NOVA1: variants seen among roughly 807,000 people sequenced by gnomAD.
NOVA1 encodes the protein RNA-binding protein Nova-1.
In NOVA1, 7 loss-of-function variants were observed where a neutral mutation model predicts 38.0. The ratio of observed to expected loss-of-function variants is 0.18; its 90% CI spans 0.10 to 0.35. The LOEUF (loss-of-function observed/expected upper bound fraction) is 0.35, where lower values mean the gene tolerates loss of function less well. Ranked by LOEUF, NOVA1 falls within the 10% of genes least tolerant of loss-of-function variation. NOVA1 has a pLI of 1.00. For synonymous variants in NOVA1, 270 were observed against 232.5 expected (o/e 1.16, Z -1.47); for missense variants, 460 against 616.0 (o/e 0.75, Z 2.68).
At chr14:26,591,474 TA>T (rs1251910007) in intron 2 of NOVA1, among the ~76,000 whole-genome samples, 1 of 151,680 alleles carries the variant, frequency 6.6e-6, no homozygotes, top group East Asian at 1.9e-4. Flanking sequence ...AATTTTGCCT[TA>T]AAATATATAT....
rs533181369 is a variant in NOVA1 at position 26,467,592 on chromosome 14, A to T, written c.519+4728T>A. ...AAAAAACAGTTGCACACTGATGGGA[A>T]TGATTCTGTAGAGAGCAAAAACTTG... On this transcript the variant is annotated intron_variant, in intron 4 of 4. Coordinates refer to ENST00000539517, the MANE Select transcript of NOVA1 (RefSeq NM_002515.3). Among the ~76,000 whole-genome samples, 6 of 152,332 alleles carry T rather than the reference A, an allele frequency of 3.9e-5. No homozygotes were observed. The South Asian group carries it at 1.2e-3, about 32-fold the overall frequency.
At chr14:26,507,475 T>C (rs996548620) in intron 2 of NOVA1, among the ~76,000 whole-genome samples, 52 of 152,288 alleles carry the variant, frequency 3.4e-4, no homozygotes, top group Non-Finnish European at 4.7e-4. Flanking sequence ...GTGTTTTTTA[T>C]GAAGTTGTCC....
At chr14:26,588,811 C>T (rs889535123) in intron 2 of NOVA1, among the ~76,000 whole-genome samples, 3 of 150,248 alleles carry the variant, frequency 2.0e-5, no homozygotes, top group Admixed American at 6.6e-5. Flanking sequence ...GAATGAATCT[C>T]TTGACCTCTA....
intron 2 of NOVA1, among the ~76,000 whole-genome samples, chr14:26,481,988 T>TTAAAAAAAAAAAAAAAAA (rs922159329): frequency 2.8e-5 from 3 of 105,984 alleles, no homozygotes; most frequent in Non-Finnish European, 5.3e-5. Context: ...TAGATAGAGA[T>TTAAAAAAAAAAAAAAAAA]AAAAAAAAAA....
At chr14:26,568,190 G>C (rs1206454919) in intron 2 of NOVA1, among the ~76,000 whole-genome samples, 2 of 152,150 alleles carry the variant, frequency 1.3e-5, no homozygotes, top group East Asian at 3.8e-4. Context: ...ACTGTTATTA[G>C]ATCTTCTTTC....
intron 2 of NOVA1, among the ~76,000 whole-genome samples, chr14:26,590,371 T>C (rs1235249991): frequency 6.6e-6 from 1 of 151,926 alleles, no homozygotes. Flanking sequence ...AACTTACTCA[T>C]AAAAGTTGTG....
chr14:26,460,230 C>A (rs1012552810), intron 4 of NOVA1, among the ~76,000 whole-genome samples: 3 of 151,684 alleles, frequency 2.0e-5, no homozygotes, highest in Non-Finnish European at 2.9e-5. Flanking sequence ...ATTTACTATC[C>A]CAAATGACTG....
intron 1 of NOVA1, chr14:26,597,093 G>A: frequency 8.1e-7 from 1 of 1,231,000 alleles, no homozygotes; most frequent in Non-Finnish European, 1.0e-6. Context: ...GATAAACACA[G>A]AAATGGAAAT....
intron 2 of NOVA1, among the ~76,000 whole-genome samples, chr14:26,491,424 G>A (rs1886340179): frequency 1.3e-5 from 2 of 152,116 alleles, no homozygotes; most frequent in African/African-American, 2.4e-5. Context: ...GGTAATGGAC[G>A]TTAATAATGT....
chr14:26,545,721 C>T (rs920782272), intron 2 of NOVA1, among the ~76,000 whole-genome samples: 1 of 151,942 alleles, frequency 6.6e-6, no homozygotes, highest in African/African-American at 2.4e-5. Flanking sequence ...TAAAAAACAA[C>T]CTTAAAGTTG....
intron 2 of NOVA1, among the ~76,000 whole-genome samples, chr14:26,591,246 G>A (rs563340051): frequency 6.6e-6 from 1 of 151,578 alleles, no homozygotes; most frequent in South Asian, 2.1e-4. Context: ...TAGATATAGA[G>A]ATAAAAGATA....
chr14:26,581,549 T>C (rs555290722), intron 2 of NOVA1, among the ~76,000 whole-genome samples: 1 of 152,112 alleles, frequency 6.6e-6, no homozygotes, highest in East Asian at 1.9e-4. Flanking sequence ...TAGAAAGATA[T>C]CAAGGTTCTA....
intron 4 of NOVA1, among the ~76,000 whole-genome samples, chr14:26,452,565 T>C (rs1882792145): frequency 6.6e-6 from 1 of 152,174 alleles, no homozygotes; most frequent in Admixed American, 6.5e-5. Context: ...AAACGACAAA[T>C]AGCAAATTCT....
chr14:26,570,855 A>C, intron 2 of NOVA1, among the ~76,000 whole-genome samples: 1 of 152,308 alleles, frequency 6.6e-6, no homozygotes, highest in Non-Finnish European at 1.5e-5. Context: ...TACTCTATTA[A>C]GTTTAAGGTA....
chr14:26,555,370 T>C (rs937788997), intron 2 of NOVA1, among the ~76,000 whole-genome samples: 2 of 152,150 alleles, frequency 1.3e-5, no homozygotes, highest in African/African-American at 4.8e-5. Flanking sequence ...TGTCACACTT[T>C]TGAGAATACA....
intron 2 of NOVA1, among the ~76,000 whole-genome samples, chr14:26,588,033 G>A (rs1893635182): frequency 6.6e-6 from 1 of 151,086 alleles, no homozygotes; most frequent in African/African-American, 2.4e-5. Context: ...TGCAGGATTT[G>A]AAATCTTTTT....
At chr14:26,494,225 T>C (rs1361792494) in intron 2 of NOVA1, among the ~76,000 whole-genome samples, 1 of 152,164 alleles carries the variant, frequency 6.6e-6, no homozygotes, top group Non-Finnish European at 1.5e-5. Context: ...TGAATGTTTC[T>C]TTTAGCTTTG....
intron 2 of NOVA1, among the ~76,000 whole-genome samples, chr14:26,485,361 T>C (rs917498119): frequency 2.6e-5 from 4 of 152,152 alleles, no homozygotes; most frequent in Non-Finnish European, 4.4e-5. Flanking sequence ...AAAGCAGATA[T>C]ATTTCGGAAA....
At chr14:26,542,675 AAAGAT>A in intron 2 of NOVA1, among the ~76,000 whole-genome samples, 1 of 151,362 alleles carries the variant, frequency 6.6e-6, no homozygotes, top group Non-Finnish European at 1.5e-5. Context: ...GACCATATCT[AAAGAT>A]GGAATCTGAA....
Sources: allele counts gnomAD v4.1 joint callset (sites outside exome capture counted in the v4.1 genomes callset), GRCh38; gene constraint gnomAD v4.1.1; transcripts MANE v1.5; gene names NCBI Gene and HGNC (gene_info 2026-07-23, HGNC 2026-07-21).